The following ANTXR1 variants were observed in gnomAD, a reference collection of about 807,000 sequenced individuals.
ANTXR1 encodes anthrax toxin receptor 1.
In ANTXR1, 19 loss-of-function variants were observed where a neutral mutation model predicts 78.1. That is an observed-to-expected ratio of 0.24 (90% CI 0.17 to 0.36). The LOEUF (loss-of-function observed/expected upper bound fraction) is 0.36, where lower values mean the gene tolerates loss of function less well. Ranked by LOEUF, ANTXR1 falls within the 10% of genes least tolerant of loss-of-function variation. ANTXR1 has a pLI of 1.00. For missense variants in ANTXR1, 518 were observed against 718.6 expected (o/e 0.72, Z 3.19); for synonymous variants, 273 against 260.5 (o/e 1.05, Z -0.46).
intron 17 of ANTXR1, among the ~76,000 whole-genome samples, chr2:69,196,406 G>T (rs147125111): frequency 1.3e-5 from 2 of 152,176 alleles, no homozygotes; most frequent in Admixed American, 6.5e-5. Flanking sequence ...CCTTGTTGCC[G>T]TGGCAACAGC....
intron 6 of ANTXR1, among the ~76,000 whole-genome samples, chr2:69,074,614 TGA>T (rs767291070): frequency 6.6e-6 from 1 of 152,184 alleles, no homozygotes; most frequent in Non-Finnish European, 1.5e-5. Context: ...CAAATAAAGT[TGA>T]GGCTACAGTG....
At chr2:69,183,394 T>G (rs996954594) in intron 16 of ANTXR1, among the ~76,000 whole-genome samples, 1 of 151,956 alleles carries the variant, frequency 6.6e-6, no homozygotes, top group Non-Finnish European at 1.5e-5. Context: ...AAAGGCCTCT[T>G]TTTTATTTTC....
Position 69,220,309 on chromosome 2 carries a change from G to C in ANTXR1, c.1435-24916G>C, listed in dbSNP as rs192569786. ...CTGCTGAAGGGATCCTTAAGAGAAG[G>C]CTCTTCTAGACTTTGAGTTTCCTGA... On this transcript the variant is annotated intron_variant, in intron 17 of 17. Transcript: ENST00000303714. Among the ~76,000 whole-genome samples the C allele has an allele frequency of 1.6e-3, 249 of 152,268 alleles. 1 individual carries two copies. Among genetic ancestry groups the C allele is most frequent in the African/African-American group, 5.8e-3 (240 of 41,552 alleles).
chr2:69,160,658 A>G (rs1673656905), intron 13 of ANTXR1, among the ~76,000 whole-genome samples: 1 of 152,204 alleles, frequency 6.6e-6, no homozygotes, highest in Admixed American at 6.5e-5. Context: ...GGCACTTCAG[A>G]ACAAGAGGTA....
At chr2:69,093,504 A>T (rs1440229857) in intron 9 of ANTXR1, among the ~76,000 whole-genome samples, 1 of 152,242 alleles carries the variant, frequency 6.6e-6, no homozygotes, top group Non-Finnish European at 1.5e-5. Flanking sequence ...AATGACACAG[A>T]AATACCAGTG....
chr2:69,187,941 T>C (rs564990896), intron 16 of ANTXR1, among the ~76,000 whole-genome samples: 6 of 147,542 alleles, frequency 4.1e-5, no homozygotes, highest in Non-Finnish European at 8.9e-5. Flanking sequence ...AGTGGCCTTA[T>C]AAGTTGAACT....
intron 3 of ANTXR1, among the ~76,000 whole-genome samples, chr2:69,065,379 TGTGCCACTGCACTCCAGCCTG>T (rs2104182320): frequency 7.2e-6 from 1 of 138,260 alleles, no homozygotes; most frequent in Admixed American, 7.7e-5. Context: ...GAGCTGAGAT[TGTGCCACTGCACTCCAGCCTG>T]GGTGACAAAG....
At chr2:69,052,034 C>G (rs1195359869) in intron 3 of ANTXR1, among the ~76,000 whole-genome samples, 1 of 152,016 alleles carries the variant, frequency 6.6e-6, no homozygotes, top group African/African-American at 2.4e-5. Context: ...GTAACAGTTG[C>G]AAGTTAATTT....
At chr2:69,224,769 C>T (rs1295420235) in intron 17 of ANTXR1, among the ~76,000 whole-genome samples, 1 of 152,118 alleles carries the variant, frequency 6.6e-6, no homozygotes, top group South Asian at 2.1e-4. Flanking sequence ...ACGTAAGAGG[C>T]AGAAGAGTCT....
intron 8 of ANTXR1, among the ~76,000 whole-genome samples, chr2:69,090,138 G>A (rs1343307898): frequency 6.6e-6 from 1 of 151,948 alleles, no homozygotes; most frequent in African/African-American, 2.4e-5. Flanking sequence ...CCCCTTTGAA[G>A]CTCACATTTT....
At chr2:69,154,395 T>C (rs1673472671) in intron 13 of ANTXR1, among the ~76,000 whole-genome samples, 1 of 152,144 alleles carries the variant, frequency 6.6e-6, no homozygotes, top group African/African-American at 2.4e-5. Flanking sequence ...CCCCTAAAAC[T>C]ACTTGCTGAT....
chr2:69,059,075 C>A (rs1670154280), intron 3 of ANTXR1, among the ~76,000 whole-genome samples: 1 of 152,170 alleles, frequency 6.6e-6, no homozygotes, highest in Non-Finnish European at 1.5e-5. Context: ...AAAGTGGTTT[C>A]TTGAGATGGA....
chr2:69,048,323 T>C (rs1669835097), intron 3 of ANTXR1, among the ~76,000 whole-genome samples: 1 of 152,186 alleles, frequency 6.6e-6, no homozygotes, highest in Non-Finnish European at 1.5e-5. Context: ...CATTTTTAAA[T>C]ATTGGATCAT....
intron 3 of ANTXR1, among the ~76,000 whole-genome samples, chr2:69,048,019 T>C (rs924007736): frequency 6.6e-6 from 1 of 152,180 alleles, no homozygotes; most frequent in African/African-American, 2.4e-5. Flanking sequence ...AGTTTGCAGG[T>C]CACTTCCTTA....
Position 69,173,968 on chromosome 2 carries a change from A to G in ANTXR1, c.1089+3679A>G, listed in dbSNP as rs555455873. On this transcript the variant is annotated intron_variant, in intron 14 of 17. Transcript: ENST00000303714. ...CCAGACCTGGGCTGGACAGATGACT[A>G]GTACATTTTATTTGCAATGAAAAAC... Among the ~76,000 whole-genome samples the G allele has an allele frequency of 3.9e-5, 6 of 152,352 alleles. 1 individual carries two copies. The South Asian group carries it at 8.3e-4, about 21-fold the overall frequency.
At position 69,013,377 on chromosome 2, in the gene ANTXR1, G is replaced by A; in HGVS notation, c.-123G>A. On this transcript the variant is annotated 5_prime_UTR_variant, in exon 1 of 18. Coordinates refer to ENST00000303714, the MANE Select transcript of ANTXR1 (RefSeq NM_032208.3). The surrounding 1 kb of genome is among the most constrained non-coding windows in gnomAD (Gnocchi z 5.0). ...CAGACAATTGCTTCCGGGGAGTTGC[G>A]AGGGAGCGAGGGGGAATAAAGGACC... The A allele has an allele frequency of 1.5e-6, 2 of 1,357,518 alleles. No homozygotes were observed. Among genetic ancestry groups the A allele is most frequent in the South Asian group, 1.3e-5 (1 of 79,928 alleles). The allele number at this position is 1,357,518 out of a possible 1,614,324, so 84.1% of individuals were successfully genotyped here.
intron 17 of ANTXR1, among the ~76,000 whole-genome samples, chr2:69,199,628 A>G (rs1010237898): frequency 6.6e-6 from 1 of 152,164 alleles, no homozygotes; most frequent in Non-Finnish European, 1.5e-5. Flanking sequence ...GTGTTTGCAC[A>G]TTGTTATCAC....
intron 12 of ANTXR1, among the ~76,000 whole-genome samples, chr2:69,131,453 C>T (rs1334946108): frequency 1.3e-5 from 2 of 152,178 alleles, no homozygotes; most frequent in African/African-American, 2.4e-5. Flanking sequence ...CACAGGAAGG[C>T]GGGCCTCCGG....
At chr2:69,185,517 G>T (rs1674394960) in intron 16 of ANTXR1, among the ~76,000 whole-genome samples, 1 of 150,162 alleles carries the variant, frequency 6.7e-6, no homozygotes, top group Non-Finnish European at 1.5e-5. Flanking sequence ...TCCAGCCTGG[G>T]CAACAGGGCA....
Sources: allele counts gnomAD v4.1 joint callset (sites outside exome capture counted in the v4.1 genomes callset), GRCh38; gene constraint gnomAD v4.1.1; non-coding constraint Gnocchi (gnomAD v3.1); transcripts MANE v1.5; gene names NCBI Gene and HGNC (gene_info 2026-07-23, HGNC 2026-07-21).